LRCH1: variants seen among roughly 807,000 people sequenced by gnomAD.
The protein encoded by LRCH1 is leucine rich repeats and calponin homology domain containing 1, also known as leucine-rich repeat and calponin homology domain-containing protein 1.
A neutral mutation model predicts 94.9 loss-of-function variants in LRCH1; 23 were observed. The observed-to-expected ratio is 0.24, with a 90% CI of 0.17 to 0.34. The LOEUF is 0.34. LRCH1 is among the 10% of genes least tolerant of loss of function. The pLI, the probability that LRCH1 is intolerant of heterozygous loss-of-function variation, is 1.00. For synonymous variants in LRCH1, 364 were observed against 354.9 expected, an observed-to-expected ratio of 1.03 and a Z score of -0.29; for missense variants, 790 against 945.9, an observed-to-expected ratio of 0.84 and a Z score of 2.16.
At chr13:46,587,302 C>T (rs2050446196) in intron 1 of LRCH1, among the ~76,000 whole-genome samples, 1 of 152,054 alleles carries the variant, frequency 6.6e-6, no homozygotes, top group African/African-American at 2.4e-5. Context: ...CGTTGTATGC[C>T]ATCTGCAAGA....
chr13:46,698,972 C>T (rs1871332017), intron 9 of LRCH1, among the ~76,000 whole-genome samples: 2 of 152,318 alleles, frequency 1.3e-5, no homozygotes, highest in South Asian at 2.1e-4. Context: ...TCCCGGCAGC[C>T]CCTGGCAGCA....
Position 46,553,188 on chromosome 13 carries a change from G to A in LRCH1, c.-209G>A. On this transcript the variant is annotated 5_prime_UTR_variant, in exon 1 of 20. Transcript: ENST00000389797. ...CGCCGCCGCAGTCCTTAGCTTCCCG[G>A]GGACAGGAAACCTTCAAGACCGAGC... 1 of 571,304 alleles carries A rather than the reference G, an allele frequency of 1.8e-6. No homozygotes were observed. The highest frequency in any genetic ancestry group is 3.0e-6 in the Non-Finnish European group (1 of 327,916). The allele number at this position is 571,304 out of a possible 1,614,324, so 35.4% of individuals were successfully genotyped here. A position where few individuals can be genotyped will look rare whatever the true frequency, so the allele number is the denominator to read the frequency against.
At chr13:46,708,606 G>A (rs753004521) in intron 13 of LRCH1, among the ~76,000 whole-genome samples, 2 of 152,060 alleles carry the variant, frequency 1.3e-5, no homozygotes, top group Admixed American at 6.6e-5. Context: ...CAATACATGC[G>A]CTGATTTACT....
At chr13:46,556,569 C>T (rs1024317733) in intron 1 of LRCH1, among the ~76,000 whole-genome samples, 3 of 152,120 alleles carry the variant, frequency 2.0e-5, no homozygotes, top group Non-Finnish European at 4.4e-5. Context: ...ACTGGGTGCG[C>T]CTCTCTATGC....
At chr13:46,569,779 C>T (rs1357775785) in intron 1 of LRCH1, among the ~76,000 whole-genome samples, 1 of 152,116 alleles carries the variant, frequency 6.6e-6, no homozygotes, top group Non-Finnish European at 1.5e-5. Context: ...AGGTTAAGGC[C>T]TCCGCTTTGC....
chr13:46,731,615 G>A (rs1873111627), intron 18 of LRCH1, among the ~76,000 whole-genome samples: 1 of 152,162 alleles, frequency 6.6e-6, no homozygotes, highest in Admixed American at 6.5e-5. Flanking sequence ...TTTTAGAAAT[G>A]CAGTTTGTTT....
At chr13:46,564,586 C>T (rs1260437479) in intron 1 of LRCH1, among the ~76,000 whole-genome samples, 1 of 152,194 alleles carries the variant, frequency 6.6e-6, no homozygotes, top group Non-Finnish European at 1.5e-5. Context: ...GTCAGGGATC[C>T]ACTTGGACCT....
intron 1 of LRCH1, among the ~76,000 whole-genome samples, chr13:46,610,378 TTG>T (rs769454402): frequency 7.2e-5 from 11 of 152,196 alleles, no homozygotes; most frequent in Non-Finnish European, 1.5e-4. Flanking sequence ...TTTTTCTAAT[TTG>T]GGGAAAATTG....
In LRCH1 at chr13:46,727,925, T is replaced by C. The variant is rs115311460; in HGVS notation, c.1870-922T>C. Among the ~76,000 whole-genome samples, 51 of 126,860 alleles carry C rather than the reference T, an allele frequency of 4.0e-4. No homozygotes were observed. In the South Asian group the frequency reaches 0.011, roughly 28 times the overall value. The allele number at this position is 126,860 out of a possible 152,430, so 83.2% of individuals were successfully genotyped here. ...CATTTCTTTCTTTCTTTCTTTCTTT[T>C]TTTTTTTTTGAGATGGGATCTCACT... On this transcript the variant is annotated intron_variant, in intron 17 of 19. Coordinates refer to ENST00000389797, the MANE Select transcript of LRCH1 (RefSeq NM_001164211.2).
At chr13:46,652,391 T>C (rs2051317993) in intron 2 of LRCH1, among the ~76,000 whole-genome samples, 1 of 67,640 alleles carries the variant, frequency 1.5e-5, no homozygotes, top group Non-Finnish European at 3.5e-5. Context: ...TATTTGTTTT[T>C]TTTGTTTTTT....
At chr13:46,645,124 A>ATCTGTATTGTAAAT in intron 1 of LRCH1, among the ~76,000 whole-genome samples, 1 of 152,122 alleles carries the variant, frequency 6.6e-6, no homozygotes. Context: ...AGCAAATATA[A>ATCTGTATTGTAAAT]TCTGTATTGT....
At chr13:46,588,054 C>T (rs1040173399) in intron 1 of LRCH1, among the ~76,000 whole-genome samples, 4 of 152,092 alleles carry the variant, frequency 2.6e-5, no homozygotes, top group Admixed American at 2.0e-4. Flanking sequence ...CTGTATTTCT[C>T]CCTAATGGGT....
intron 18 of LRCH1, 80 bp from the exon 19 acceptor site, chr13:46,733,841 G>T (rs1483093857): frequency 5.1e-6 from 4 of 786,750 alleles, no homozygotes; most frequent in Admixed American, 3.0e-5. Context: ...TGTGCCATTT[G>T]GGAAGTTTAA....
At chr13:46,662,304 T>G (rs2051459409) in intron 2 of LRCH1, among the ~76,000 whole-genome samples, 1 of 152,232 alleles carries the variant, frequency 6.6e-6, no homozygotes, top group African/African-American at 2.4e-5. Context: ...TAATTTCCTG[T>G]GTGCCAGGAG....
At chr13:46,674,726 C>T (rs1593343335) in intron 3 of LRCH1, among the ~76,000 whole-genome samples, 1 of 152,204 alleles carries the variant, frequency 6.6e-6, no homozygotes, top group African/African-American at 2.4e-5. Context: ...TTCATATAGT[C>T]TTGAAAATAA....
intron 4 of LRCH1, among the ~76,000 whole-genome samples, chr13:46,684,214 T>C (rs766690321): frequency 3.3e-5 from 5 of 149,398 alleles, no homozygotes; most frequent in African/African-American, 7.5e-5. Context: ...TTCTTCTGCT[T>C]CTTTTTTTTC....
At chr13:46,606,285 A>G (rs943419394) in intron 1 of LRCH1, among the ~76,000 whole-genome samples, 7 of 152,242 alleles carry the variant, frequency 4.6e-5, no homozygotes, top group Middle Eastern at 6.8e-3. Flanking sequence ...TTTTGTGAAC[A>G]TGGGTCATTG....
chr13:46,691,989 A>C (rs4942571), intron 7 of LRCH1, among the ~76,000 whole-genome samples: 2 of 152,034 alleles, frequency 1.3e-5, no homozygotes. Context: ...CGCCTGGCTG[A>C]TGCCATGTAC....
intron 1 of LRCH1, among the ~76,000 whole-genome samples, chr13:46,618,607 A>C (rs1167774803): frequency 1.3e-5 from 2 of 152,234 alleles, no homozygotes; most frequent in Admixed American, 1.3e-4. Context: ...ATTGACCTGG[A>C]AAATGACGTT....
Sources: gnomAD v4.1 joint callset for allele counts (sites outside exome capture counted in the v4.1 genomes callset) on GRCh38, gnomAD v4.1.1 for gene constraint, MANE v1.5 for transcripts, NCBI Gene and HGNC (gene_info 2026-07-23, HGNC 2026-07-21) for gene names.